SLC14A2: variants seen among roughly 807,000 people sequenced by gnomAD.
SLC14A2 encodes the protein solute carrier family 14 member 2.
In SLC14A2, 91 loss-of-function variants were observed where a neutral mutation model predicts 104.6. That is an observed-to-expected ratio of 0.87 (90% confidence interval 0.73 to 1.04). SLC14A2 has a LOEUF of 1.04. SLC14A2 is among the 50% of genes least tolerant of loss of function. The pLI is 0.00. For synonymous variants in SLC14A2, 476 were observed against 466.4 expected, an observed-to-expected ratio of 1.02 and a Z score of -0.27; for missense variants, 1,189 against 1,156.0, an observed-to-expected ratio of 1.03 and a Z score of -0.41.
At chr18:45,288,932 T>A (rs2084842232) in intron 1 of SLC14A2, among the ~76,000 whole-genome samples, 2 of 152,238 alleles carry the variant, frequency 1.3e-5, no homozygotes, top group Admixed American at 1.3e-4. Flanking sequence ...CAAACTCATG[T>A]TAAACGTAAA....
In SLC14A2 at chr18:45,333,302, G is replaced by A. The variant is rs190582146; in HGVS notation, c.-125+120111G>A. ...CAAAAAAAAATCCTTATTTGTAATA[G>A]TGGCTACAGTATGCAATAAAGCCAG... is the stretch of plus-strand genomic sequence containing the variant. On this transcript the variant is annotated intron_variant, in intron 1 of 20. Transcript: ENST00000586448. Among the ~76,000 whole-genome samples the A allele has an allele frequency of 5.3e-5, 8 of 152,250 alleles. No homozygotes were observed. The East Asian group carries it at 1.5e-3, about 29-fold the overall frequency.
chr18:45,296,179 C>T (rs2084916511), intron 1 of SLC14A2, among the ~76,000 whole-genome samples: 1 of 152,166 alleles, frequency 6.6e-6, no homozygotes, highest in Non-Finnish European at 1.5e-5. Context: ...CAAGGCTTTG[C>T]ACTGGGCTCT....
At chr18:45,392,416 C>T (rs1348129314) in intron 1 of SLC14A2, among the ~76,000 whole-genome samples, 3 of 152,194 alleles carry the variant, frequency 2.0e-5, no homozygotes, top group Non-Finnish European at 2.9e-5. Flanking sequence ...AGCCTCATTG[C>T]CCTCACAGTG....
intron 1 of SLC14A2, among the ~76,000 whole-genome samples, chr18:45,414,552 CCTATGTAA>C (rs1321539168): frequency 1.6e-4 from 24 of 151,124 alleles, no homozygotes; most frequent in Admixed American, 5.3e-4. Flanking sequence ...TACGTGTATA[CCTATGTAA>C]CAAAACTGAA....
chr18:45,273,683 A>T (rs2084673921), intron 1 of SLC14A2, among the ~76,000 whole-genome samples: 1 of 152,196 alleles, frequency 6.6e-6, no homozygotes, highest in East Asian at 1.9e-4. Context: ...TTTTTAAAAA[A>T]GCATTAACCA....
chr18:45,272,468 T>C (rs1599633042), intron 1 of SLC14A2, among the ~76,000 whole-genome samples: 1 of 152,036 alleles, frequency 6.6e-6, no homozygotes, highest in African/African-American at 2.4e-5. Context: ...TTAAGTGAAA[T>C]AAGCCAGACA....
chr18:45,339,850 G>T (rs1456644483), intron 1 of SLC14A2, among the ~76,000 whole-genome samples: 3 of 152,232 alleles, frequency 2.0e-5, no homozygotes, highest in Admixed American at 2.0e-4. Flanking sequence ...AGAGCAAAAG[G>T]ATGCACTGTT....
At chr18:45,562,375 G>A (rs1336720442) in intron 2 of SLC14A2, among the ~76,000 whole-genome samples, 2 of 152,222 alleles carry the variant, frequency 1.3e-5, no homozygotes, top group East Asian at 3.8e-4. Flanking sequence ...GTCTTATCAG[G>A]AAAGCTTTCC....
the SLC14A2 span, among the ~76,000 whole-genome samples, chr18:45,205,304 T>A: frequency 6.6e-6 from 1 of 152,224 alleles, no homozygotes. Flanking sequence ...TTTATACAAG[T>A]ACAGGTTGCA....
intron 2 of SLC14A2, among the ~76,000 whole-genome samples, chr18:45,596,038 G>A (rs977552689): frequency 3.9e-5 from 6 of 152,120 alleles, no homozygotes; most frequent in Admixed American, 2.0e-4. Context: ...CACCCAGTAC[G>A]GACTGGAGGA....
chr18:45,435,705 T>A (rs1173290649), intron 1 of SLC14A2, among the ~76,000 whole-genome samples: 1 of 152,210 alleles, frequency 6.6e-6, no homozygotes, highest in Non-Finnish European at 1.5e-5. Flanking sequence ...GGATAGTGCC[T>A]AGTGGCTTGT....
intron 1 of SLC14A2, among the ~76,000 whole-genome samples, chr18:45,242,071 CACA>C (rs1295748593): frequency 6.6e-6 from 1 of 152,124 alleles, no homozygotes; most frequent in Admixed American, 6.5e-5. Flanking sequence ...CACTTTACTG[CACA>C]ACAAAGCCAA....
intron 1 of SLC14A2, among the ~76,000 whole-genome samples, chr18:45,324,765 G>GCA (rs1438914084): frequency 2.0e-5 from 3 of 149,260 alleles, no homozygotes; most frequent in African/African-American, 7.5e-5. Context: ...CCCCACCCCC[G>GCA]CACACACACA....
chr18:45,510,333 T>A (rs933998943), intron 2 of SLC14A2, among the ~76,000 whole-genome samples: 1 of 152,180 alleles, frequency 6.6e-6, no homozygotes, highest in Non-Finnish European at 1.5e-5. Context: ...ATGCAACTTA[T>A]AGTGATTTAT....
intron 2 of SLC14A2, among the ~76,000 whole-genome samples, chr18:45,610,037 C>G (rs189175597): frequency 6.6e-6 from 1 of 152,354 alleles, no homozygotes; most frequent in East Asian, 1.9e-4. Flanking sequence ...GCTTTGACCA[C>G]TAAGCAAAAA....
intron 2 of SLC14A2, among the ~76,000 whole-genome samples, chr18:45,495,873 A>C (rs1379146119): frequency 6.6e-6 from 1 of 152,216 alleles, no homozygotes. Flanking sequence ...CATGAGACCA[A>C]GTGCTGCTAT....
chr18:45,576,140 T>A (rs193137213), intron 2 of SLC14A2, among the ~76,000 whole-genome samples: 1 of 152,256 alleles, frequency 6.6e-6, no homozygotes, highest in East Asian at 1.9e-4. Context: ...CCCAGCTTAG[T>A]GTTACAAAAC....
At chr18:45,455,637 C>CATAGTAACA (rs2086929742) in intron 1 of SLC14A2, among the ~76,000 whole-genome samples, 2 of 148,900 alleles carry the variant, frequency 1.3e-5, no homozygotes. Context: ...GAACTTAAAG[C>CATAGTAACA]ATAATAATAA....
rs1017295836 is a variant in SLC14A2 at position 45,352,109 on chromosome 18, G to A, written c.-124-131124G>A. On this transcript the variant is annotated intron_variant, in intron 1 of 20. Coordinates refer to the SLC14A2 transcript ENST00000586448. ...ACTGGACAGGGCATGGGACTGTGGC[G>A]CCTTCAAACCTCAGGTTCTTGATGT... Among the ~76,000 whole-genome samples, 9 of 152,254 alleles carry A rather than the reference G, an allele frequency of 5.9e-5. No individual in the cohort carries two copies. In the South Asian group the frequency reaches 1.5e-3, roughly 25 times the overall value.
Sources: allele counts gnomAD v4.1 joint callset (sites outside exome capture counted in the v4.1 genomes callset), GRCh38; gene constraint gnomAD v4.1.1; transcripts MANE v1.5; gene names NCBI Gene and HGNC (gene_info 2026-07-23, HGNC 2026-07-21).